Variants in TCAIM observed in about 807,000 individuals in gnomAD.
TCAIM encodes the protein T-cell activation inhibitor, mitochondrial.
TCAIM carries 36 observed loss-of-function variants against 58.6 expected under a neutral mutation model. The observed-to-expected ratio is 0.61, with a 90% confidence interval of 0.47 to 0.81. The LOEUF (loss-of-function observed/expected upper bound fraction) is 0.81. Ranked by LOEUF, TCAIM falls within the 30% of genes least tolerant of loss-of-function variation. The pLI is 0.00. For missense variants in TCAIM, 466 were observed against 579.6 expected, an observed-to-expected ratio of 0.80 and a Z score of 2.01; for synonymous variants, 172 against 193.6, an observed-to-expected ratio of 0.89 and a Z score of 0.93.
intron 10 of TCAIM, among the ~76,000 whole-genome samples, chr3:44,406,374 G>A (rs1473854225): frequency 1.3e-5 from 2 of 152,154 alleles, no homozygotes; most frequent in South Asian, 2.1e-4. Context: ...GAAGTTTAAG[G>A]GTTCTTTCTG....
intron 5 of TCAIM, among the ~76,000 whole-genome samples, chr3:44,372,719 G>A (rs935135544): frequency 1.3e-5 from 2 of 151,386 alleles, no homozygotes; most frequent in African/African-American, 4.9e-5. Context: ...TCAACCTCCC[G>A]AGTAGCTGGG....
At chr3:44,381,115 G>A (rs1187218286) in intron 5 of TCAIM, among the ~76,000 whole-genome samples, 1 of 152,126 alleles carries the variant, frequency 6.6e-6, no homozygotes, top group Non-Finnish European at 1.5e-5. Flanking sequence ...AACTCATTCT[G>A]TGAGAGCATT....
intron 9 of TCAIM, 112 bp from the exon 10 acceptor site, chr3:44,401,091 T>C (rs1702014993): frequency 3.4e-6 from 5 of 1,450,344 alleles, no homozygotes; most frequent in Non-Finnish European, 1.8e-6. Context: ...ACTTTTGAGG[T>C]GGCTTTTCTT....
At chr3:44,379,536 G>A (rs1055504793) in intron 5 of TCAIM, among the ~76,000 whole-genome samples, 9 of 152,192 alleles carry the variant, frequency 5.9e-5, no homozygotes, top group African/African-American at 1.2e-4. Flanking sequence ...GGAATACTAT[G>A]TGGCCATAAA....
chr3:44,347,636 C>T (rs1300737825), intron 1 of TCAIM, among the ~76,000 whole-genome samples: 1 of 152,174 alleles, frequency 6.6e-6, no homozygotes, highest in African/African-American at 2.4e-5. Context: ...CTGAACTAAC[C>T]TGTAAGACTT....
chr3:44,344,162 T>C (rs886525066), intron 1 of TCAIM, among the ~76,000 whole-genome samples: 1 of 151,934 alleles, frequency 6.6e-6, no homozygotes, highest in African/African-American at 2.4e-5. Context: ...CAGGCGTGTG[T>C]CACCACACTC....
At chr3:44,396,914 T>TA in intron 8 of TCAIM, 80 bp downstream of exon 8, 1 of 1,366,624 alleles carries the variant, frequency 7.3e-7, no homozygotes. Context: ...GTTAAGGGAC[T>TA]AAAAAAAGGT....
chr3:44,397,564 G>T (rs1018792742), intron 8 of TCAIM, among the ~76,000 whole-genome samples: 1 of 152,126 alleles, frequency 6.6e-6, no homozygotes, highest in Non-Finnish European at 1.5e-5. Flanking sequence ...GTATCACTTT[G>T]TGACTATTAC....
chr3:44,367,045 T>G (rs1701391004), intron 4 of TCAIM, among the ~76,000 whole-genome samples: 1 of 152,172 alleles, frequency 6.6e-6, no homozygotes, highest in South Asian at 2.1e-4. Flanking sequence ...TTACCTGAAC[T>G]GCTGTCACAG....
At chr3:44,355,881 A>G (rs1047657138) in intron 2 of TCAIM, among the ~76,000 whole-genome samples, 3 of 152,226 alleles carry the variant, frequency 2.0e-5, no homozygotes, top group Admixed American at 2.0e-4. Flanking sequence ...AGCTAAGTGT[A>G]TGTCAGACGT....
chr3:44,345,738 G>A (rs561009453), intron 1 of TCAIM, among the ~76,000 whole-genome samples: 5 of 152,274 alleles, frequency 3.3e-5, no homozygotes, highest in African/African-American at 1.2e-4. Context: ...TAAAGAATAG[G>A]ACTTCATCAA....
At chr3:44,381,531 C>G (rs1701654886) in intron 5 of TCAIM, among the ~76,000 whole-genome samples, 1 of 152,142 alleles carries the variant, frequency 6.6e-6, no homozygotes, top group African/African-American at 2.4e-5. Flanking sequence ...AAACATCATT[C>G]TCAGTAGTAA....
At chr3:44,377,640 A>G (rs1701587259) in intron 5 of TCAIM, among the ~76,000 whole-genome samples, 1 of 152,196 alleles carries the variant, frequency 6.6e-6, no homozygotes, top group African/African-American at 2.4e-5. Context: ...TTAAGTCTCA[A>G]TAGATTTCAA....
At chr3:44,405,176 G>A (rs927683999) in intron 10 of TCAIM, among the ~76,000 whole-genome samples, 8 of 152,126 alleles carry the variant, frequency 5.3e-5, no homozygotes, top group African/African-American at 7.2e-5. Context: ...ATAACCCAGA[G>A]TAACCTGCAC....
intron 3 of TCAIM, chr3:44,358,538 C>T: frequency 2.5e-6 from 1 of 401,010 alleles, no homozygotes; most frequent in South Asian, 4.8e-5. Flanking sequence ...AGGATAACAA[C>T]TACTTACATA....
At position 44,405,658 on chromosome 3, in the gene TCAIM, C is replaced by T. The variant is rs530857458; in HGVS notation, c.1251-1784C>T. On this transcript the variant is annotated intron_variant, in intron 10 of 10. Transcript: ENST00000342649. The stretch of plus-strand genomic sequence containing the variant: ...AGTGATACTCCAGCCTGGGCAACAG[C>T]AAGACCCTATCTCAAGGCCAGGCAC... 3.4e-5 allele frequency among the ~76,000 whole-genome samples: 5 copies of T among 148,396 alleles called. No individual in the cohort carries two copies. The South Asian group carries it at 6.5e-4, about 19-fold the overall frequency.
chr3:44,376,507 A>G (rs1673519804), intron 5 of TCAIM, among the ~76,000 whole-genome samples: 1 of 152,186 alleles, frequency 6.6e-6, no homozygotes, highest in Admixed American at 6.5e-5. Flanking sequence ...TTAGGGTGTT[A>G]TAACTTTAGG....
At chr3:44,359,268 C>G (rs1334391039) in intron 3 of TCAIM, 1 of 194,604 alleles carries the variant, frequency 5.1e-6, no homozygotes, top group Non-Finnish European at 9.4e-6. Context: ...AGGGTTAACT[C>G]AGCAAGCTTG....
At chr3:44,339,931 T>C (rs1700821676) in intron 1 of TCAIM, 1 of 152,200 alleles carries the variant, frequency 6.6e-6, no homozygotes, top group Non-Finnish European at 1.5e-5. Flanking sequence ...CCATAAGTGG[T>C]GATGAATGGG....
Sources: gnomAD v4.1 joint callset for allele counts (sites outside exome capture counted in the v4.1 genomes callset) on GRCh38, gnomAD v4.1.1 for gene constraint, MANE v1.5 for transcripts, NCBI Gene and HGNC (gene_info 2026-07-23, HGNC 2026-07-21) for gene names.